PKIB: variants seen among roughly 807,000 people sequenced by gnomAD.
PKIB encodes PKI-beta.
PKIB carries 2 observed loss-of-function variants against 4.5 expected under a neutral mutation model. The observed-to-expected ratio is 0.44, with a 90% CI of 0.18 to 1.39. PKIB has a LOEUF of 1.39. Among genes scored for constraint, PKIB ranks in the 40% most tolerant of loss-of-function variants. The probability of loss-of-function intolerance (pLI) is 0.27; values close to 1 mark genes in which losing one functional copy is unlikely to be tolerated. For missense variants in PKIB, 94 were observed against 92.6 expected, an observed-to-expected ratio of 1.02 and a Z score of -0.06; for synonymous variants, 38 against 36.0, an observed-to-expected ratio of 1.06 and a Z score of -0.20.
intron 2 of PKIB, among the ~76,000 whole-genome samples, chr6:122,541,112 C>T (rs1777582457): frequency 6.6e-6 from 1 of 151,340 alleles, no homozygotes; most frequent in African/African-American, 2.4e-5. Flanking sequence ...ATACAGCACA[C>T]TGATGGGTCT....
chr6:122,689,068 A>AC, intron 3 of PKIB, among the ~76,000 whole-genome samples: 1 of 152,234 alleles, frequency 6.6e-6, no homozygotes, highest in Non-Finnish European at 1.5e-5. Context: ...GGCGTGAGCC[A>AC]CCACACCTGG....
intron 3 of PKIB, among the ~76,000 whole-genome samples, chr6:122,708,699 T>A (rs771739912): frequency 6.6e-6 from 1 of 152,148 alleles, no homozygotes; most frequent in Non-Finnish European, 1.5e-5. Flanking sequence ...AGTAGCGTGA[T>A]CTCAGGTCAC....
At chr6:122,550,404 G>A (rs886311754) in intron 2 of PKIB, among the ~76,000 whole-genome samples, 2 of 151,982 alleles carry the variant, frequency 1.3e-5, no homozygotes, top group Non-Finnish European at 1.5e-5. Context: ...TTATGAATAT[G>A]TGAGTAATAT....
At chr6:122,684,444 A>C (rs1464129373) in intron 3 of PKIB, among the ~76,000 whole-genome samples, 1 of 152,024 alleles carries the variant, frequency 6.6e-6, no homozygotes, top group African/African-American at 2.4e-5. Context: ...TTTCACATCT[A>C]CCTTTCTCTT....
chr6:122,504,883 G>A (rs780842441), intron 2 of PKIB, among the ~76,000 whole-genome samples: 35 of 152,088 alleles, frequency 2.3e-4, no homozygotes, highest in Admixed American at 8.5e-4. Flanking sequence ...TAGGGTATCC[G>A]AAGTCCGGTG....
At chr6:122,513,330 C>T (rs1364147279) in intron 2 of PKIB, among the ~76,000 whole-genome samples, 1 of 152,174 alleles carries the variant, frequency 6.6e-6, no homozygotes, top group Admixed American at 6.5e-5. Context: ...TGTGTAGTTT[C>T]ACCAGCTCTC....
intron 2 of PKIB, among the ~76,000 whole-genome samples, chr6:122,486,868 A>T (rs1048788124): frequency 6.6e-6 from 1 of 152,188 alleles, no homozygotes; most frequent in Non-Finnish European, 1.5e-5. Context: ...TTATAATACT[A>T]TGAAGAATTC....
Position 122,673,176 on chromosome 6 carries a change from A to AG in PKIB, c.-75-1902_-75-1901insG, listed in dbSNP as rs201830116. 1.3e-3 allele frequency among the ~76,000 whole-genome samples: 194 copies of AG among 151,498 alleles called. 1 individual carries two copies. Among genetic ancestry groups the AG allele is most frequent in the African/African-American group, 4.6e-3 (189 of 41,284 alleles). On this transcript the variant is annotated intron_variant, in intron 2 of 4. Transcript: ENST00000368452. The stretch of plus-strand genomic sequence containing the variant: ...ACAAGGATAGGTGGATTTCTGTAAA[A>AG]AAAATTAATCATGGAAAGGTTATAA...
Position 122,717,909 on chromosome 6 carries a change from A to C in PKIB, c.115A>C (p.Thr39Pro), listed in dbSNP as rs927772654. 1 of 1,614,116 alleles carries C rather than the reference A, an allele frequency of 6.2e-7. No homozygotes were observed. The highest frequency in any genetic ancestry group is 8.5e-7 in the Non-Finnish European group (1 of 1,179,980). ...ACCAGACATCCAGAGTTCAGCTGCC[A>C]CAGACGGAACCTCAGATTTGCCCCT... The part of the protein sequence containing the change: ...ALPDIQSSAA[T>P]DGTSDLPLKL... Residue 39 changes from threonine (T) to proline (P), a missense_variant, in exon 4 of 5, where the codon ACA (threonine) becomes CCA (proline). Transcript: ENST00000368452.
chr6:122,477,907 A>ACACCCC (rs1775492892), exon 2 of PKIB: 1 of 152,152 alleles, frequency 6.6e-6, no homozygotes, highest in Admixed American at 6.6e-5. Flanking sequence ...GAAAGTATGG[A>ACACCCC]CACCCCTTCA....
intron 2 of PKIB, among the ~76,000 whole-genome samples, chr6:122,559,708 T>C (rs1302666890): frequency 6.6e-6 from 1 of 152,236 alleles, no homozygotes; most frequent in Non-Finnish European, 1.5e-5. Context: ...TTGTGTCATC[T>C]ATGATTTCTT....
At chr6:122,521,560 G>C (rs1776948517) in intron 2 of PKIB, among the ~76,000 whole-genome samples, 1 of 151,818 alleles carries the variant, frequency 6.6e-6, no homozygotes, top group African/African-American at 2.4e-5. Flanking sequence ...GGCGCCTGTA[G>C]TCCCAGCTAC....
intron 2 of PKIB, among the ~76,000 whole-genome samples, chr6:122,495,846 A>G (rs921589211): frequency 1.3e-5 from 2 of 152,118 alleles, no homozygotes; most frequent in Non-Finnish European, 2.9e-5. Flanking sequence ...GTGGTGAAAC[A>G]GGTGTTTCCC....
chr6:122,623,138 G>A (rs1775306621), intron 1 of PKIB, among the ~76,000 whole-genome samples: 1 of 152,058 alleles, frequency 6.6e-6, no homozygotes, highest in African/African-American at 2.4e-5. Flanking sequence ...ATTTAATATC[G>A]ATAAAAGAAT....
At chr6:122,710,330 G>A (rs927318657) in intron 3 of PKIB, among the ~76,000 whole-genome samples, 4 of 152,122 alleles carry the variant, frequency 2.6e-5, no homozygotes, top group Non-Finnish European at 5.9e-5. Context: ...ACAGACGGCC[G>A]TGTTCCCTCT....
rs961438862 is a variant in PKIB, at chr6:122,637,266, C to T, written c.-76+3899C>T. Among the ~76,000 whole-genome samples the T allele has an allele frequency of 9.9e-5, 15 of 152,140 alleles. 1 individual carries two copies. The highest frequency in any genetic ancestry group is 7.8e-4 in the Admixed American group (12 of 15,292). ...GAACCTAATAAATGTTTGAAAATTG[C>T]TTTTTCTTGATTTTTTGAGGGGAAA... is the stretch of plus-strand genomic sequence containing the variant. On this transcript the variant is annotated intron_variant, in intron 2 of 4. Coordinates refer to ENST00000368452, the MANE Select transcript of PKIB (RefSeq NM_181795.3).
chr6:122,536,686 TTGAA>T (rs1471402473), intron 2 of PKIB, among the ~76,000 whole-genome samples: 1 of 152,028 alleles, frequency 6.6e-6, no homozygotes, highest in Non-Finnish European at 1.5e-5. Flanking sequence ...AACTTTTGAT[TTGAA>T]TGGAGATTTT....
intron 3 of PKIB, among the ~76,000 whole-genome samples, chr6:122,677,709 C>T (rs1777731810): frequency 6.6e-6 from 1 of 152,116 alleles, no homozygotes; most frequent in African/African-American, 2.4e-5. Context: ...GAGATTTGCC[C>T]CAAGGCCCCC....
chr6:122,532,603 A>G (rs1419653583), intron 2 of PKIB, among the ~76,000 whole-genome samples: 2 of 152,180 alleles, frequency 1.3e-5, no homozygotes, highest in Non-Finnish European at 2.9e-5. Context: ...TATATCCCAT[A>G]TAGATGGATT....
Sources: allele counts gnomAD v4.1 joint callset (sites outside exome capture counted in the v4.1 genomes callset), GRCh38; gene constraint gnomAD v4.1.1; transcripts MANE v1.5; gene names NCBI Gene and HGNC (gene_info 2026-07-23, HGNC 2026-07-21).